The following MYO10 variants were observed in gnomAD, a reference collection of about 807,000 sequenced individuals.
The protein encoded by MYO10 is unconventional myosin-X.
In MYO10, 133 loss-of-function variants were observed where a neutral mutation model predicts 257.3. That is an observed-to-expected ratio of 0.52 (90% confidence interval 0.45 to 0.60). MYO10 has a LOEUF of 0.60. Ranked by LOEUF, MYO10 falls within the 20% of genes least tolerant of loss-of-function variation. The pLI, the probability that MYO10 is intolerant of heterozygous loss-of-function variation, is 0.00. For missense variants in MYO10, 2,399 were observed against 2,635.7 expected, an observed-to-expected ratio of 0.91 and a Z score of 1.97; for synonymous variants, 1,104 against 1,028.6, an observed-to-expected ratio of 1.07 and a Z score of -1.40.
intron 2 of MYO10, among the ~76,000 whole-genome samples, chr5:16,842,604 C>T (rs1743515741): frequency 6.6e-6 from 1 of 152,178 alleles, no homozygotes; most frequent in Admixed American, 6.5e-5. Flanking sequence ...CACAAAGCTG[C>T]TGTAAGCATC....
chr5:16,890,364 C>T (rs576285000), intron 1 of MYO10, among the ~76,000 whole-genome samples: 6 of 151,870 alleles, frequency 4.0e-5, no homozygotes, highest in South Asian at 2.1e-4. Flanking sequence ...ACCATATGAC[C>T]CAGAAATTCC....
At chr5:16,867,167 C>A (rs1744275956) in intron 2 of MYO10, among the ~76,000 whole-genome samples, 1 of 152,240 alleles carries the variant, frequency 6.6e-6, no homozygotes, top group African/African-American at 2.4e-5. Context: ...AGATTTTTCC[C>A]TTGGCTCAGA....
intron 1 of MYO10, among the ~76,000 whole-genome samples, chr5:16,931,408 ACT>A (rs902607895): frequency 6.6e-6 from 1 of 151,764 alleles, no homozygotes; most frequent in African/African-American, 2.4e-5. Context: ...AAAAGCAAAC[ACT>A]CTGCTCTCTC....
chr5:16,775,613 G>GTTTC (rs913376698), intron 9 of MYO10, among the ~76,000 whole-genome samples: 2 of 151,922 alleles, frequency 1.3e-5, no homozygotes, highest in African/African-American at 4.8e-5. Flanking sequence ...TTGTTTGTTT[G>GTTTC]TTTTCTCGAG....
At chr5:16,790,148 C>T (rs1166076003) in intron 4 of MYO10, among the ~76,000 whole-genome samples, 1 of 151,956 alleles carries the variant, frequency 6.6e-6, no homozygotes, top group East Asian at 1.9e-4. Flanking sequence ...AGACCAAACA[C>T]TCAATTACCA....
chr5:16,840,444 T>TGAATGAATGAATGAAAGAAA (rs111737680), intron 2 of MYO10, among the ~76,000 whole-genome samples: 7 of 100,900 alleles, frequency 6.9e-5, no homozygotes, highest in African/African-American at 2.7e-4. Flanking sequence ...AATGAATGAA[T>TGAATGAATGAATGAAAGAAA]GAAAGAAAGA....
intron 40 of MYO10, 84 bp downstream of exon 40, chr5:16,668,192 TG>T: frequency 7.4e-7 from 1 of 1,350,546 alleles, no homozygotes; most frequent in Non-Finnish European, 1.0e-6. Flanking sequence ...GAAAATGACC[TG>T]GTCAAAGGCA....
chr5:16,775,073 T>C (rs530694772), intron 9 of MYO10, among the ~76,000 whole-genome samples: 1 of 152,326 alleles, frequency 6.6e-6, no homozygotes, highest in African/African-American at 2.4e-5. Context: ...TGTTACTTCA[T>C]ACACATTTCA....
chr5:16,707,795 C>T (rs1324256618), intron 21 of MYO10, among the ~76,000 whole-genome samples: 5 of 152,204 alleles, frequency 3.3e-5, no homozygotes, highest in Non-Finnish European at 5.9e-5. Flanking sequence ...CAGGCCGCTT[C>T]AATTCCTAGT....
chr5:16,742,321 A>G, intron 19 of MYO10: 1 of 837,638 alleles, frequency 1.2e-6, no homozygotes, highest in African/African-American at 1.8e-5. Flanking sequence ...GATGGAAGTG[A>G]CCACTGAGGG....
At chr5:16,773,810 C>CA (rs201787295) in intron 9 of MYO10, among the ~76,000 whole-genome samples, 9 of 151,558 alleles carry the variant, frequency 5.9e-5, no homozygotes, top group African/African-American at 2.2e-4. Context: ...AGCAAATGAA[C>CA]AAATGTGTTT....
chr5:16,776,357 C>A (rs924248765), intron 9 of MYO10, among the ~76,000 whole-genome samples: 1 of 151,736 alleles, frequency 6.6e-6, no homozygotes, highest in African/African-American at 2.4e-5. Flanking sequence ...TAAAGAGTAA[C>A]GGGTTAAATT....
chr5:16,852,119 A>G (rs1025465381), intron 2 of MYO10, among the ~76,000 whole-genome samples: 7 of 148,904 alleles, frequency 4.7e-5, no homozygotes, highest in South Asian at 2.2e-4. Flanking sequence ...GGAAGGAAGG[A>G]AGGGAGGGAA....
At chr5:16,747,032 C>T (rs1740216040) in intron 19 of MYO10, among the ~76,000 whole-genome samples, 1 of 152,116 alleles carries the variant, frequency 6.6e-6, no homozygotes, top group Admixed American at 6.6e-5. Flanking sequence ...GGGTGAATAC[C>T]CATTTGGAGA....
At chr5:16,791,978 T>C (rs1319505346) in intron 4 of MYO10, among the ~76,000 whole-genome samples, 1 of 152,146 alleles carries the variant, frequency 6.6e-6, no homozygotes, top group Admixed American at 6.6e-5. Context: ...TCTGTTTAAC[T>C]GAATACACTG....
intron 2 of MYO10, among the ~76,000 whole-genome samples, chr5:16,829,393 C>A (rs771165088): frequency 7.9e-5 from 12 of 152,134 alleles, no homozygotes; most frequent in Admixed American, 2.6e-4. Context: ...AAGAATAAAT[C>A]TCACTGCAAG....
At chr5:16,933,784 T>G (rs1305033633) in intron 1 of MYO10, among the ~76,000 whole-genome samples, 2 of 152,244 alleles carry the variant, frequency 1.3e-5, no homozygotes, top group Non-Finnish European at 2.9e-5. Context: ...TGACTGGCCC[T>G]GCTTCCTTCC....
chr5:16,889,474 AGAAAGAAGGAAGGAAGGAAGGAAGGAAG>A (rs1338267341), intron 1 of MYO10, among the ~76,000 whole-genome samples: 1 of 133,270 alleles, frequency 7.5e-6, no homozygotes, highest in Non-Finnish European at 1.6e-5. Context: ...AGGGAAGAAA[AGAAAGAAGGAAGGAAGGAAGGAAGGAAG>A]GAAGGAAGGA....
chr5:16,867,124 T>A (rs1744274847), intron 2 of MYO10, among the ~76,000 whole-genome samples: 1 of 152,264 alleles, frequency 6.6e-6, no homozygotes, highest in Non-Finnish European at 1.5e-5. Flanking sequence ...CCCTAGCTGC[T>A]GGAACGTGTG....
Sources: allele counts gnomAD v4.1 joint callset (sites outside exome capture counted in the v4.1 genomes callset), GRCh38; gene constraint gnomAD v4.1.1; transcripts MANE v1.5; gene names NCBI Gene and HGNC (gene_info 2026-07-23, HGNC 2026-07-21).